The following RBFOX1 variants were observed in gnomAD, a reference collection of about 807,000 sequenced individuals.
RBFOX1 encodes RNA binding protein fox-1 homolog 1.
In RBFOX1, 8 loss-of-function variants were observed where a neutral mutation model predicts 57.7. The ratio of observed to expected loss-of-function variants is 0.14; its 90% CI spans 0.08 to 0.25. The LOEUF (loss-of-function observed/expected upper bound fraction) is 0.25. Ranked by LOEUF, RBFOX1 falls within the 10% of genes least tolerant of loss-of-function variation. The probability of loss-of-function intolerance (pLI) is 1.00; values close to 1 mark genes in which losing one functional copy is unlikely to be tolerated. For missense variants in RBFOX1, 611 were observed against 548.5 expected, an observed-to-expected ratio of 1.11 and a Z score of -1.14; for synonymous variants, 326 against 222.4, an observed-to-expected ratio of 1.47 and a Z score of -4.15.
At chr16:6,044,853 T>C (rs1475306317) in intron 1 of RBFOX1, among the ~76,000 whole-genome samples, 1 of 152,224 alleles carries the variant, frequency 6.6e-6, no homozygotes, top group South Asian at 2.1e-4. Context: ...TGTTCCCTCA[T>C]GTTTCTGTAC....
chr16:6,618,540 A>G (rs1219007525), intron 2 of RBFOX1, among the ~76,000 whole-genome samples: 1 of 152,200 alleles, frequency 6.6e-6, no homozygotes, highest in Admixed American at 6.5e-5. Context: ...TATAATCCTC[A>G]TAAAAGTCTC....
At chr16:5,690,181 C>T (rs1320396326) in intron 3 of RBFOX1, among the ~76,000 whole-genome samples, 1 of 152,188 alleles carries the variant, frequency 6.6e-6, no homozygotes, top group Non-Finnish European at 1.5e-5. Flanking sequence ...AATGGTATCG[C>T]ATACTTATCC....
In RBFOX1 at chr16:5,464,654, G is replaced by C. The variant is rs961149746; in HGVS notation, c.220-2562G>C. On this transcript the variant is annotated intron_variant, in intron 1 of 2. Coordinates refer to the RBFOX1 transcript ENST00000585867. The stretch of plus-strand genomic sequence containing the variant: ...TAGGGCGCCACGAGAGGCCTCCTCT[G>C]TTTGTGCCCCATCATGTCTCCAGCA... 2.0e-5 allele frequency among the ~76,000 whole-genome samples: 3 copies of C among 152,340 alleles called. 1 individual carries two copies. In the South Asian group the frequency reaches 6.2e-4, roughly 32 times the overall value.
At chr16:6,115,097 A>G (rs1221248603) in intron 1 of RBFOX1, among the ~76,000 whole-genome samples, 1 of 151,314 alleles carries the variant, frequency 6.6e-6, no homozygotes, top group Non-Finnish European at 1.5e-5. Context: ...GTAAACTATC[A>G]TAACACTAGT....
intron 10 of RBFOX1, among the ~76,000 whole-genome samples, chr16:7,608,075 T>A (rs993797449): frequency 6.6e-6 from 1 of 152,216 alleles, no homozygotes; most frequent in African/African-American, 2.4e-5. Flanking sequence ...CAAGGCTGCA[T>A]TGAATACCTA....
intron 3 of RBFOX1, among the ~76,000 whole-genome samples, chr16:7,027,975 G>GT (rs1025835131): frequency 1.3e-5 from 2 of 151,882 alleles, no homozygotes; most frequent in Non-Finnish European, 2.9e-5. Context: ...AGAAACAAGG[G>GT]TGGAAGGACG....
intron 4 of RBFOX1, among the ~76,000 whole-genome samples, chr16:7,412,794 G>C (rs1172251107): frequency 3.9e-5 from 6 of 152,176 alleles, no homozygotes; most frequent in Non-Finnish European, 8.8e-5. Flanking sequence ...TGTGATCCCA[G>C]AGCTCTGGGA....
At chr16:7,130,229 T>C (rs547772745) in intron 4 of RBFOX1, among the ~76,000 whole-genome samples, 221 of 152,148 alleles carry the variant, frequency 1.5e-3, no homozygotes, top group African/African-American at 5.0e-3. Flanking sequence ...AGGTGGAGTT[T>C]CGCCATATTT....
At chr16:5,648,507 G>T (rs2049122004) in intron 3 of RBFOX1, among the ~76,000 whole-genome samples, 1 of 152,090 alleles carries the variant, frequency 6.6e-6, no homozygotes, top group Non-Finnish European at 1.5e-5. Context: ...GTGACATTTT[G>T]CTTAGTACAA....
chr16:5,948,022 C>G (rs1429426770), intron 4 of RBFOX1, among the ~76,000 whole-genome samples: 1 of 152,190 alleles, frequency 6.6e-6, no homozygotes, highest in Non-Finnish European at 1.5e-5. Flanking sequence ...ATGGCAGGAA[C>G]TCTTCAGCAG....
At chr16:5,953,958 C>G (rs1486783504) in intron 4 of RBFOX1, among the ~76,000 whole-genome samples, 1 of 152,048 alleles carries the variant, frequency 6.6e-6, no homozygotes, top group Non-Finnish European at 1.5e-5. Context: ...ACCGTGGTAC[C>G]CATACCCCCA....
At chr16:6,932,880 CATTAA>C (rs1267741153) in intron 3 of RBFOX1, among the ~76,000 whole-genome samples, 8 of 152,184 alleles carry the variant, frequency 5.3e-5, no homozygotes, top group African/African-American at 1.9e-4. Context: ...ACTCTATATC[CATTAA>C]ACATTAACTC....
At chr16:5,758,782 G>A (rs1297087963) in intron 3 of RBFOX1, among the ~76,000 whole-genome samples, 2 of 152,134 alleles carry the variant, frequency 1.3e-5, no homozygotes, top group African/African-American at 4.8e-5. Flanking sequence ...TTTGGATAGG[G>A]TGGGAGAAAG....
intron 4 of RBFOX1, among the ~76,000 whole-genome samples, chr16:7,164,141 A>G (rs2078958485): frequency 6.6e-6 from 1 of 152,006 alleles, no homozygotes; most frequent in African/African-American, 2.4e-5. Flanking sequence ...CAGAGTCCCC[A>G]GAATCCACTG....
intron 1 of RBFOX1, among the ~76,000 whole-genome samples, chr16:5,395,912 G>C (rs1214691217): frequency 6.6e-6 from 1 of 152,162 alleles, no homozygotes; most frequent in South Asian, 2.1e-4. Flanking sequence ...GCAGCCACCA[G>C]GAAATAAATT....
At chr16:7,010,537 C>CTTT (rs57373603) in intron 3 of RBFOX1, among the ~76,000 whole-genome samples, 155 of 148,014 alleles carry the variant, frequency 1.0e-3, no homozygotes, top group Middle Eastern at 3.5e-3. Flanking sequence ...CACATCTCCC[C>CTTT]TTTTTTTTTT....
rs60498960 is a variant in RBFOX1, at chr16:6,380,398, A to ATTTTT, written c.-64+63385_-64+63389dup. Among the ~76,000 whole-genome samples the ATTTTT allele has an allele frequency of 3.9e-4, 19 of 49,118 alleles. 1 individual carries two copies. Among genetic ancestry groups the ATTTTT allele is most frequent in the African/African-American group, 5.4e-4 (7 of 12,864 alleles). The allele number at this position is 49,118 out of a possible 152,430, so 32.2% of individuals were successfully genotyped here. The stretch of plus-strand genomic sequence containing the variant: ...CGTCTGTGAGTGGTGAATGGTGGGG[A>ATTTTT]TTTTTTTTTTTTTTTTTTTTTTTTT... On this transcript the variant is annotated intron_variant, in intron 2 of 15. Coordinates refer to ENST00000550418, the MANE Select transcript of RBFOX1 (RefSeq NM_018723.4).
At chr16:5,706,486 G>A (rs1321802209) in intron 3 of RBFOX1, among the ~76,000 whole-genome samples, 1 of 152,138 alleles carries the variant, frequency 6.6e-6, no homozygotes, top group Non-Finnish European at 1.5e-5. Flanking sequence ...TGCAGAGAGG[G>A]TTGAAAACAC....
chr16:7,704,876 T>C (rs1457335459), intron 14 of RBFOX1, among the ~76,000 whole-genome samples: 1 of 151,204 alleles, frequency 6.6e-6, no homozygotes, highest in East Asian at 2.0e-4. Context: ...CATGGTGAAA[T>C]GTTGTCTACA....
Sources: allele counts gnomAD v4.1 joint callset (sites outside exome capture counted in the v4.1 genomes callset), GRCh38; gene constraint gnomAD v4.1.1; transcripts MANE v1.5; gene names NCBI Gene and HGNC (gene_info 2026-07-23, HGNC 2026-07-21).